NAV1: variants seen among roughly 807,000 people sequenced by gnomAD.
NAV1 encodes neuron navigator 1.
In NAV1, 18 loss-of-function variants were observed where a neutral mutation model predicts 175.2. That is an observed-to-expected ratio of 0.10 (90% CI 0.07 to 0.15). NAV1 has a LOEUF of 0.15. NAV1 is among the 10% of genes least tolerant of loss of function. NAV1 has a pLI of 1.00. For synonymous variants in NAV1, 897 were observed against 978.7 expected, an observed-to-expected ratio of 0.92 and a Z score of 1.56; for missense variants, 1,731 against 2,436.6, an observed-to-expected ratio of 0.71 and a Z score of 6.10.
intron 2 of NAV1, among the ~76,000 whole-genome samples, chr1:201,591,167 T>C (rs1273756143): frequency 6.6e-6 from 1 of 152,180 alleles, no homozygotes. Flanking sequence ...TATTCAGCCC[T>C]TTCCTTTGCC....
At chr1:201,670,380 C>CA (rs58216500) in intron 1 of NAV1, among the ~76,000 whole-genome samples, 3,234 of 12,132 alleles carry the variant, frequency 0.27, 911 homozygotes, top group Non-Finnish European at 0.3. Flanking sequence ...GACTCCATCT[C>CA]AAAAAAAAAA....
At chr1:201,744,041 T>A (rs1208022924) in intron 3 of NAV1, among the ~76,000 whole-genome samples, 1 of 151,800 alleles carries the variant, frequency 6.6e-6, no homozygotes, top group Non-Finnish European at 1.5e-5. Flanking sequence ...TGCACCACCA[T>A]GCCCAGCTAA....
intron 3 of NAV1, among the ~76,000 whole-genome samples, chr1:201,778,987 A>G (rs80331031): frequency 0.02 from 3,071 of 152,348 alleles, 98 homozygotes; most frequent in African/African-American, 0.07. Context: ...TTAGAAGTTA[A>G]TTCCTACCGG....
intron 1 of NAV1, among the ~76,000 whole-genome samples, chr1:201,570,836 T>C (rs765869467): frequency 6.6e-6 from 1 of 152,204 alleles, no homozygotes. Flanking sequence ...ACATTCTCCA[T>C]CTCTGGAACC....
chr1:201,673,113 C>T (rs1243250716), intron 1 of NAV1: 2 of 152,214 alleles, frequency 1.3e-5, no homozygotes, highest in Non-Finnish European at 2.9e-5. Context: ...TCTTGCTGTT[C>T]TTTAATGAAT....
exon 8 of NAV1, chr1:201,785,338 A>C: frequency 1.2e-6 from 2 of 1,612,366 alleles, no homozygotes; most frequent in East Asian, 4.5e-5. Flanking sequence ...CACTCTTCCC[A>C]AGAAAGGGCT....
At chr1:201,650,531 G>A (rs1035900234) in intron 1 of NAV1, among the ~76,000 whole-genome samples, 5 of 152,212 alleles carry the variant, frequency 3.3e-5, no homozygotes, top group African/African-American at 1.2e-4. Context: ...CCCGCCCGCT[G>A]GGGGCTGGGA....
chr1:201,586,682 G>C (rs1667037983), intron 1 of NAV1, among the ~76,000 whole-genome samples: 1 of 152,074 alleles, frequency 6.6e-6, no homozygotes, highest in Admixed American at 6.5e-5. Context: ...GAGAAGGAGA[G>C]AGGGAGAGGG....
intron 1 of NAV1, among the ~76,000 whole-genome samples, chr1:201,697,211 A>C (rs1186854533): frequency 6.6e-6 from 1 of 152,112 alleles, no homozygotes; most frequent in Non-Finnish European, 1.5e-5. Flanking sequence ...ATGGGGGGGC[A>C]TGTTGGTGGC....
At chr1:201,707,944 A>G (rs1439427118) in intron 1 of NAV1, among the ~76,000 whole-genome samples, 1 of 152,214 alleles carries the variant, frequency 6.6e-6, no homozygotes, top group Non-Finnish European at 1.5e-5. Flanking sequence ...AGGGCTTTGG[A>G]GTCAAAAAGA....
At chr1:201,732,022 G>C (rs577786502) in intron 3 of NAV1, among the ~76,000 whole-genome samples, 1 of 152,292 alleles carries the variant, frequency 6.6e-6, no homozygotes, top group South Asian at 2.1e-4. Context: ...CCCTGTGTGA[G>C]GTTCCAACTG....
chr1:201,633,814 T>G (rs534617115), intron 2 of NAV1, among the ~76,000 whole-genome samples: 1 of 152,192 alleles, frequency 6.6e-6, no homozygotes, highest in Non-Finnish European at 1.5e-5. Context: ...GCAGATGATA[T>G]TAGCCGTGTT....
chr1:201,643,983 C>T (rs1057462872), upstream of NAV1, among the ~76,000 whole-genome samples: 1 of 152,224 alleles, frequency 6.6e-6, no homozygotes, highest in African/African-American at 2.4e-5. Flanking sequence ...ATCACTCATC[C>T]TATCGCCATT....
At chr1:201,816,069 C>A (rs754943672) in intron 28 of NAV1, among the ~76,000 whole-genome samples, 24 of 151,724 alleles carry the variant, frequency 1.6e-4, no homozygotes, top group Admixed American at 2.6e-4. Flanking sequence ...TCACCACACA[C>A]ACAGAAATAT....
intron 1 of NAV1, among the ~76,000 whole-genome samples, chr1:201,548,457 A>G (rs1665730380): frequency 6.6e-6 from 1 of 152,218 alleles, no homozygotes; most frequent in African/African-American, 2.4e-5. Context: ...GGAAGCTGAT[A>G]TAGGAGGATC....
chr1:201,785,037 G>A (rs1043063137), intron 7 of NAV1, among the ~76,000 whole-genome samples: 2 of 152,160 alleles, frequency 1.3e-5, no homozygotes, highest in African/African-American at 4.8e-5. Context: ...CAAAGTGCTG[G>A]GATTACAGGC....
chr1:201,781,756 G>C lies in NAV1; in HGVS notation c.1664-420G>C, dbSNP rs1205823682. 3.3e-5 allele frequency among the ~76,000 whole-genome samples: 5 copies of C among 152,126 alleles called. No homozygotes were observed. In the East Asian group the frequency reaches 7.7e-4, roughly 23 times the overall value. Reference sequence around the variant, plus strand: ...GCAAGAGAATTATAGTGCCCCCAAAGTTGGCCCCTTGGGTAACTTTTAGCC... The same window carrying C: ...GCAAGAGAATTATAGTGCCCCCAAACTTGGCCCCTTGGGTAACTTTTAGCC... On this transcript the variant is annotated intron_variant, in intron 5 of 29. Coordinates refer to ENST00000367296, the Ensembl canonical transcript of NAV1.
chr1:201,656,044 G>A (rs557377451), intron 1 of NAV1, among the ~76,000 whole-genome samples: 1 of 152,306 alleles, frequency 6.6e-6, no homozygotes, highest in South Asian at 2.1e-4. Context: ...TTTGGCTCCA[G>A]CAGGCCCCAG....
intron 20 of NAV1, 95 bp from the exon 25 acceptor site, chr1:201,809,069 G>C: frequency 7.3e-7 from 1 of 1,375,040 alleles, no homozygotes. Flanking sequence ...CTTCTCTGTG[G>C]CAAACAGAGT....
Sources: gnomAD v4.1 joint callset for allele counts (sites outside exome capture counted in the v4.1 genomes callset) on GRCh38, gnomAD v4.1.1 for gene constraint, MANE v1.5 for transcripts, NCBI Gene and HGNC (gene_info 2026-07-23, HGNC 2026-07-21) for gene names.